Variants in RNF8 observed in about 807,000 individuals in gnomAD.
RNF8 encodes the protein E3 ubiquitin-protein ligase RNF8.
A neutral mutation model predicts 59.3 loss-of-function variants in RNF8; 8 were observed. The observed-to-expected ratio is 0.13, with a 90% CI of 0.08 to 0.24. RNF8 has a LOEUF of 0.24. Ranked by LOEUF, RNF8 falls within the 10% of genes least tolerant of loss-of-function variation. The probability of loss-of-function intolerance (pLI) is 1.00; values close to 1 mark genes in which losing one functional copy is unlikely to be tolerated. For missense variants in RNF8, 406 were observed against 572.6 expected (o/e 0.71, Z 2.97); for synonymous variants, 162 against 200.0 (o/e 0.81, Z 1.60).
chr6:37,359,101 CA>C (rs202006828), intron 1 of RNF8: 232 of 398,042 alleles, frequency 5.8e-4, no homozygotes, highest in South Asian at 8.6e-4. Context: ...CTCAAAAAAA[CA>C]AAAAAAAATT....
chr6:37,381,103 A>G (rs1770241662), intron 6 of RNF8, 47 bp from the exon 7 acceptor site: 1 of 1,520,544 alleles, frequency 6.6e-7, no homozygotes, highest in African/African-American at 1.4e-5. Flanking sequence ...CATCCTGAGA[A>G]AGTAAGCATG....
intron 7 of RNF8, among the ~76,000 whole-genome samples, chr6:37,382,286 G>C (rs143390847): frequency 1.4e-4 from 22 of 152,256 alleles, no homozygotes; most frequent in African/African-American, 4.6e-4. Context: ...GCAGGTATGG[G>C]AAAAAGCTTC....
chr6:37,364,056 G>A (rs1032873445), intron 2 of RNF8, among the ~76,000 whole-genome samples: 4 of 152,034 alleles, frequency 2.6e-5, no homozygotes, highest in African/African-American at 9.6e-5. Context: ...GCGGGTGCCT[G>A]TGGTCCCAGC....
chr6:37,356,473 G>A (rs886582150), intron 1 of RNF8, among the ~76,000 whole-genome samples: 2 of 152,024 alleles, frequency 1.3e-5, no homozygotes, highest in African/African-American at 4.8e-5. Context: ...AATAAAACAG[G>A]GTTCCTTTCA....
rs933116319 is a variant in RNF8, at chr6:37,392,616, A to G, written c.*1858A>G. On this transcript the variant is annotated 3_prime_UTR_variant, in exon 8 of 8. Coordinates refer to ENST00000373479, the MANE Select transcript of RNF8 (RefSeq NM_003958.4). ...CTTTTTTCAGATATATGTTGGCAAC[A>G]GTTCCATGTCAGTACATAGTTTCCT... 1 of 398,444 alleles carries G rather than the reference A, an allele frequency of 2.5e-6. No homozygotes were observed. The highest frequency in any genetic ancestry group is 4.4e-6 in the Non-Finnish European group (1 of 226,052). 24.7% of individuals were successfully genotyped at this position (398,444 alleles called of 1,614,324 possible).
chr6:37,360,490 A>G lies in RNF8; in HGVS notation c.156A>G (p.Ser52=), dbSNP rs1769273189. 6.2e-7 allele frequency: 1 copy of G among 1,614,090 alleles called. No individual in the cohort carries two copies. Among genetic ancestry groups the G allele is most frequent in the Non-Finnish European group, 8.5e-7 (1 of 1,179,970 alleles). Reference sequence around the variant, plus strand: ...TTGGTGTCACATACCAACTGGTATCAAAAATCTGCCCCCTGATGATTTCTC... The same window carrying G: ...TTGGTGTCACATACCAACTGGTATCGAAAATCTGCCCCCTGATGATTTCTC... ...RGFGVTYQLV[S]KICPLMISRN... Residue 52 remains serine (S), a synonymous_variant, in exon 2 of 8, where the codon TCA becomes TCG. Transcript: ENST00000373479. The surrounding 1 kb of genome is among the most constrained non-coding windows in gnomAD (Gnocchi z 4.2).
intron 7 of RNF8, among the ~76,000 whole-genome samples, chr6:37,385,035 T>C (rs11964425): frequency 0.23 from 34,850 of 151,400 alleles, 8,410 homozygotes; most frequent in African/African-American, 0.62. Flanking sequence ...TTTTTTGAGA[T>C]GGCGTTTCGC....
intron 4 of RNF8, among the ~76,000 whole-genome samples, chr6:37,373,776 G>A (rs575891201): frequency 2.6e-5 from 4 of 152,242 alleles, no homozygotes; most frequent in African/African-American, 9.6e-5. Flanking sequence ...TCAAGTTGAA[G>A]ACCCAGGCCT....
intron 7 of RNF8, among the ~76,000 whole-genome samples, chr6:37,389,184 T>C (rs2113836455): frequency 6.6e-6 from 1 of 152,254 alleles, no homozygotes; most frequent in East Asian, 1.9e-4. Flanking sequence ...TCAGTAAATA[T>C]GTGTTTATGA....
chr6:37,361,252 GC>G (rs753997169), intron 2 of RNF8: 12 of 454,466 alleles, frequency 2.6e-5, no homozygotes, highest in Non-Finnish European at 4.8e-5. Context: ...GATTGTTTGA[GC>G]CCATGAATTC....
chr6:37,393,910 G>A lies in RNF8; in HGVS notation c.*3152G>A, dbSNP rs1770792756. Reference sequence around the variant, plus strand: ...GTCACCATAACTGCTGGAGTGTCTGGGATTGGTAGCTCTCTCCAACTGCCT... The same window carrying A: ...GTCACCATAACTGCTGGAGTGTCTGAGATTGGTAGCTCTCTCCAACTGCCT... On this transcript the variant is annotated 3_prime_UTR_variant, in exon 8 of 8. Transcript: ENST00000373479. 6.6e-6 allele frequency: 1 copy of A among 152,202 alleles called. No homozygotes were observed. Among genetic ancestry groups the A allele is most frequent in the African/African-American group, 2.4e-5 (1 of 41,436 alleles). The allele number at this position is 152,202 out of a possible 1,614,324, so 9.4% of individuals were successfully genotyped here.
chr6:37,357,379 A>C (rs1388682879), intron 1 of RNF8, among the ~76,000 whole-genome samples: 1 of 152,180 alleles, frequency 6.6e-6, no homozygotes, highest in Non-Finnish European at 1.5e-5. Flanking sequence ...TTCTGGGTTC[A>C]GAGTCTGTTG....
chr6:37,361,705 A>G, intron 2 of RNF8: 2 of 281,834 alleles, frequency 7.1e-6, no homozygotes, highest in Admixed American at 5.0e-5. Flanking sequence ...TGCCATCCTC[A>G]TATTGCGTGC....
chr6:37,373,595 A>G (rs941258583), intron 4 of RNF8, among the ~76,000 whole-genome samples: 4 of 152,072 alleles, frequency 2.6e-5, no homozygotes, highest in African/African-American at 9.7e-5. Context: ...TTTGGTAGAG[A>G]TGAGGTTTCA....
chr6:37,392,427 G>A lies in RNF8; in HGVS notation c.*1669G>A, dbSNP rs1770751766. ...GGTACAAAATGGCGTAGAATGAAAT[G>A]CCTCTCACCCTTTCCCCACAGCGAC... On this transcript the variant is annotated 3_prime_UTR_variant, in exon 8 of 8. Coordinates refer to ENST00000373479, the MANE Select transcript of RNF8 (RefSeq NM_003958.4). 2.5e-6 allele frequency: 1 copy of A among 398,574 alleles called. No individual in the cohort carries two copies. The highest frequency in any genetic ancestry group is 1.3e-4 in the South Asian group (1 of 7,854). 24.7% of individuals were successfully genotyped at this position (398,574 alleles called of 1,614,324 possible).
chr6:37,385,075 G>A lies in RNF8; in HGVS notation c.1441+3721G>A, dbSNP rs541043333. 6.6e-5 allele frequency among the ~76,000 whole-genome samples: 10 copies of A among 151,660 alleles called. 1 individual carries two copies. The highest frequency in any genetic ancestry group is 1.7e-4 in the African/African-American group (7 of 41,382). On this transcript the variant is annotated intron_variant, in intron 7 of 7. Transcript: ENST00000373479. ...GTTGCCCAGGCTGGAGTGCAATGGC[G>A]CGATCTCGGCTTACCACAACCTCCG...
chr6:37,373,706 C>T (rs551092001), intron 4 of RNF8, among the ~76,000 whole-genome samples: 5 of 152,124 alleles, frequency 3.3e-5, no homozygotes, highest in Non-Finnish European at 5.9e-5. Flanking sequence ...CTACCACGCC[C>T]GGCCATATTT....
At chr6:37,368,181 A>G (rs1769643394) in intron 2 of RNF8, among the ~76,000 whole-genome samples, 1 of 152,158 alleles carries the variant, frequency 6.6e-6, no homozygotes, top group Non-Finnish European at 1.5e-5. Context: ...GAGCTATCCA[A>G]TTTCAGTTTC....
intron 2 of RNF8, among the ~76,000 whole-genome samples, chr6:37,364,140 T>C (rs560437066): frequency 1.1e-4 from 16 of 145,006 alleles, no homozygotes; most frequent in African/African-American, 3.7e-4. Flanking sequence ...GATCAGGCCA[T>C]TGCACTCCAG....
Sources: gnomAD v4.1 joint callset for allele counts (sites outside exome capture counted in the v4.1 genomes callset) on GRCh38, gnomAD v4.1.1 for gene constraint, Gnocchi (gnomAD v3.1) non-coding constraint, MANE v1.5 for transcripts, NCBI Gene and HGNC (gene_info 2026-07-23, HGNC 2026-07-21) for gene names.